FBXW7: variants seen among roughly 807,000 people sequenced by gnomAD.
FBXW7 encodes the protein F-box and WD repeat domain containing 7.
In FBXW7, 11 loss-of-function variants were observed where a neutral mutation model predicts 86.3. The observed-to-expected ratio is 0.13, with a 90% CI of 0.08 to 0.21. FBXW7 has a LOEUF of 0.21. Ranked by LOEUF, FBXW7 falls within the 10% of genes least tolerant of loss-of-function variation. The pLI is 1.00. For synonymous variants in FBXW7, 313 were observed against 297.9 expected, an observed-to-expected ratio of 1.05 and a Z score of -0.52; for missense variants, 488 against 847.4, an observed-to-expected ratio of 0.58 and a Z score of 5.27.
intron 4 of FBXW7, among the ~76,000 whole-genome samples, chr4:152,365,116 G>GAAGGCATCTT (rs1011576299): frequency 1.4e-4 from 21 of 152,120 alleles, no homozygotes; most frequent in African/African-American, 4.8e-4. Flanking sequence ...TGGGTTCACA[G>GAAGGCATCTT]AAGGCATCTT....
chr4:152,423,826 A>G (rs1182482094), intron 2 of FBXW7, among the ~76,000 whole-genome samples: 1 of 151,884 alleles, frequency 6.6e-6, no homozygotes, highest in Non-Finnish European at 1.5e-5. Flanking sequence ...TTGTGTTTGG[A>G]GGGGTGGGGT....
chr4:152,509,251 T>C lies in FBXW7; in HGVS notation c.-120+25690A>G, dbSNP rs1193284279. On this transcript the variant is annotated intron_variant, in intron 2 of 13. Coordinates refer to ENST00000281708, the MANE Select transcript of FBXW7 (RefSeq NM_001349798.2). ...TAGACTATCAGTATTACATGAATGT[T>C]AATCTCCTGATTTTGATAATTTTTC... Among the ~76,000 whole-genome samples the C allele has an allele frequency of 1.3e-5, 2 of 152,216 alleles. 1 individual carries two copies. Among genetic ancestry groups the C allele is most frequent in the Admixed American group, 1.3e-4 (2 of 15,290 alleles).
At chr4:152,329,261 G>A (rs947193293) in intron 10 of FBXW7, among the ~76,000 whole-genome samples, 2 of 151,676 alleles carry the variant, frequency 1.3e-5, no homozygotes, top group Non-Finnish European at 2.9e-5. Context: ...CTAAACTACA[G>A]GTAGGTTATC....
At chr4:152,490,392 G>C (rs1745731604) in intron 2 of FBXW7, among the ~76,000 whole-genome samples, 1 of 151,924 alleles carries the variant, frequency 6.6e-6, no homozygotes. Context: ...TTACTTATTG[G>C]ACTCCCTAGA....
chr4:152,449,330 G>A (rs1741701291), intron 2 of FBXW7, among the ~76,000 whole-genome samples: 1 of 152,094 alleles, frequency 6.6e-6, no homozygotes, highest in African/African-American at 2.4e-5. Flanking sequence ...ACAAAATGTA[G>A]ACAGTAGCTA....
intron 2 of FBXW7, among the ~76,000 whole-genome samples, chr4:152,418,652 T>G (rs1180172840): frequency 1.3e-5 from 2 of 152,298 alleles, no homozygotes; most frequent in African/African-American, 4.8e-5. Flanking sequence ...AAAGATGAGT[T>G]TTACTAATCT....
chr4:152,535,415 G>C lies in FBXW7; in HGVS notation c.-501C>G. The C allele has an allele frequency of 2.6e-6, 1 of 388,378 alleles. No individual in the cohort carries two copies. The highest frequency in any genetic ancestry group is 3.6e-5 in the East Asian group (1 of 27,502). The allele number at this position is 388,378 out of a possible 1,614,324, so 24.1% of individuals were successfully genotyped here. The stretch of plus-strand genomic sequence containing the variant: ...GGAGGGGGCTGAGGGGAGGGGGAAG[G>C]TGAGGAAAGGACGGCGGCGTCGGTC... On this transcript the variant is annotated 5_prime_UTR_variant, in exon 1 of 14. Transcript: ENST00000281708.
At chr4:152,521,928 C>G (rs1445049394) in intron 2 of FBXW7, among the ~76,000 whole-genome samples, 1 of 147,982 alleles carries the variant, frequency 6.8e-6, no homozygotes, top group African/African-American at 2.5e-5. Flanking sequence ...AAGCGATTCT[C>G]CCTACCTCAG....
At chr4:152,490,340 T>C (rs578044956) in intron 2 of FBXW7, among the ~76,000 whole-genome samples, 1 of 152,216 alleles carries the variant, frequency 6.6e-6, no homozygotes, top group African/African-American at 2.4e-5. Flanking sequence ...ACTATGTATA[T>C]TTTGCCACCA....
chr4:152,495,808 A>G (rs370319070), intron 2 of FBXW7, among the ~76,000 whole-genome samples: 25 of 152,224 alleles, frequency 1.6e-4, no homozygotes, highest in East Asian at 7.7e-4. Flanking sequence ...TAGGCTTAGA[A>G]AGCAACAAAA....
At chr4:152,530,786 C>T (rs1170836400) in intron 2 of FBXW7, 3 of 152,216 alleles carry the variant, frequency 2.0e-5, no homozygotes, top group Non-Finnish European at 2.9e-5. Flanking sequence ...AAAACTTCGG[C>T]CTATGGGCCA....
intron 2 of FBXW7, among the ~76,000 whole-genome samples, chr4:152,533,867 A>G (rs1296246938): frequency 6.6e-6 from 1 of 152,240 alleles, no homozygotes; most frequent in Non-Finnish European, 1.5e-5. Flanking sequence ...GAACTTCGAA[A>G]AGAGAGATAA....
chr4:152,342,322 T>C (rs1475555388), intron 6 of FBXW7, among the ~76,000 whole-genome samples: 2 of 152,160 alleles, frequency 1.3e-5, no homozygotes, highest in African/African-American at 4.8e-5. Context: ...GGAAGTCTCT[T>C]AATGAGTCTG....
intron 4 of FBXW7, 64 bp downstream of exon 4, chr4:152,411,239 T>G (rs2126875322): frequency 1.4e-6 from 2 of 1,475,770 alleles, no homozygotes. Context: ...GTGAGGAAAG[T>G]TTCATTACAA....
At chr4:152,530,055 C>G in intron 2 of FBXW7, among the ~76,000 whole-genome samples, 1 of 82,840 alleles carries the variant, frequency 1.2e-5, no homozygotes, top group South Asian at 3.8e-4. Flanking sequence ...GACCCCGTCA[C>G]AAAAAAAAAA....
chr4:152,340,524 C>T (rs1490748876), intron 6 of FBXW7, among the ~76,000 whole-genome samples: 2 of 141,262 alleles, frequency 1.4e-5, no homozygotes, highest in Admixed American at 1.6e-4. Context: ...TGCAGTGAGC[C>T]GAGATTGTAC....
intron 2 of FBXW7, among the ~76,000 whole-genome samples, chr4:152,490,912 G>A (rs1483529710): frequency 6.6e-6 from 1 of 152,024 alleles, no homozygotes; most frequent in Non-Finnish European, 1.5e-5. Context: ...CTTAAAGATC[G>A]CTGTCCCTGA....
intron 2 of FBXW7, among the ~76,000 whole-genome samples, chr4:152,525,152 T>C (rs1482381050): frequency 6.6e-6 from 1 of 152,168 alleles, no homozygotes; most frequent in African/African-American, 2.4e-5. Context: ...GTATTTAAAA[T>C]GCTGAAATTT....
chr4:152,338,874 T>G (rs972692706), intron 6 of FBXW7, among the ~76,000 whole-genome samples: 5 of 152,314 alleles, frequency 3.3e-5, no homozygotes, highest in African/African-American at 1.2e-4. Flanking sequence ...GTGTCCACTT[T>G]AGAAGTGGGT....
Sources: allele counts gnomAD v4.1 joint callset (sites outside exome capture counted in the v4.1 genomes callset), GRCh38; gene constraint gnomAD v4.1.1; transcripts MANE v1.5; gene names NCBI Gene and HGNC (gene_info 2026-07-23, HGNC 2026-07-21).